Variants in CFAP54 observed in about 807,000 individuals in gnomAD.
CFAP54 encodes cilia- and flagella-associated protein 54.
A neutral mutation model predicts 370.4 loss-of-function variants in CFAP54; 290 were observed. The ratio of observed to expected loss-of-function variants is 0.78; its 90% CI spans 0.71 to 0.86. CFAP54 has a LOEUF of 0.86. CFAP54 is among the 40% of genes least tolerant of loss of function. The pLI, the probability that CFAP54 is intolerant of heterozygous loss-of-function variation, is 0.00. For synonymous variants in CFAP54, 1,206 were observed against 1,236.5 expected, an observed-to-expected ratio of 0.98 and a Z score of 0.52; for missense variants, 3,399 against 3,528.7, an observed-to-expected ratio of 0.96 and a Z score of 0.93.
At chr12:96,543,141 G>A (rs1955595898) in intron 14 of CFAP54, among the ~76,000 whole-genome samples, 1 of 152,182 alleles carries the variant, frequency 6.6e-6, no homozygotes, top group Non-Finnish European at 1.5e-5. Context: ...TGAATCAGGA[G>A]GCACACAATG....
At chr12:96,590,456 T>A (rs1010860992) in intron 23 of CFAP54, among the ~76,000 whole-genome samples, 3 of 152,190 alleles carry the variant, frequency 2.0e-5, no homozygotes, top group African/African-American at 7.2e-5. Flanking sequence ...CACCTGGTTG[T>A]TAATGCCTGA....
intron 39 of CFAP54, among the ~76,000 whole-genome samples, chr12:96,668,524 A>G (rs143093223): frequency 1.5e-3 from 228 of 152,322 alleles, no homozygotes; most frequent in Non-Finnish European, 2.5e-3. Context: ...AGACTTATTC[A>G]TTATCATGAG....
intron 42 of CFAP54, among the ~76,000 whole-genome samples, chr12:96,687,369 C>T (rs1230243525): frequency 6.6e-6 from 1 of 152,190 alleles, no homozygotes; most frequent in Non-Finnish European, 1.5e-5. Flanking sequence ...ATGTGAATGT[C>T]TTCAAGAATG....
intron 43 of CFAP54, 37 bp from the exon 44 acceptor site, chr12:96,691,091 C>A (rs1355773713): frequency 5.1e-6 from 8 of 1,579,272 alleles, no homozygotes; most frequent in Admixed American, 1.7e-5. Flanking sequence ...AAAATGCTAT[C>A]TATAGCTCTT....
intron 36 of CFAP54, among the ~76,000 whole-genome samples, chr12:96,652,968 T>C (rs982518024): frequency 2.6e-5 from 4 of 152,322 alleles, no homozygotes; most frequent in African/African-American, 9.6e-5. Context: ...ATGTACCTAA[T>C]AAGAAAAATT....
intron 57 of CFAP54, among the ~76,000 whole-genome samples, chr12:96,757,163 C>A (rs1187837407): frequency 6.6e-6 from 1 of 152,180 alleles, no homozygotes; most frequent in Non-Finnish European, 1.5e-5. Context: ...AAGGCAAATT[C>A]CTCCAGCCCT....
At chr12:96,835,725 G>T (rs1304763809) in intron 66 of CFAP54, among the ~76,000 whole-genome samples, 3 of 152,128 alleles carry the variant, frequency 2.0e-5, no homozygotes, top group Non-Finnish European at 2.9e-5. Context: ...GGTGGAGGTT[G>T]GAGTGGGGAT....
At chr12:96,496,988 C>T (rs1652763783) in intron 1 of CFAP54, among the ~76,000 whole-genome samples, 1 of 152,090 alleles carries the variant, frequency 6.6e-6, no homozygotes, top group South Asian at 2.1e-4. Context: ...GCCCTGAGCC[C>T]TTCATAAGAA....
chr12:96,765,682 T>C lies in CFAP54; in HGVS notation c.8281+464T>C, dbSNP rs1462080658. ...CAGCTACCTGAGAGCAGGGTCTTCA[T>C]ATATTCAATTTTCATCTACAGCAAA... On this transcript the variant is annotated intron_variant, in intron 60 of 67. Transcript: ENST00000524981. Among the ~76,000 whole-genome samples the C allele has an allele frequency of 3.9e-5, 6 of 152,252 alleles. No homozygotes were observed. In the East Asian group the frequency reaches 1.2e-3, roughly 29 times the overall value.
chr12:96,821,158 G>A (rs2136741213), intron 65 of CFAP54, among the ~76,000 whole-genome samples: 1 of 152,278 alleles, frequency 6.6e-6, no homozygotes, highest in African/African-American at 2.4e-5. Flanking sequence ...GAGATGGAGA[G>A]ATGGGCTCTT....
intron 67 of CFAP54, among the ~76,000 whole-genome samples, chr12:96,874,560 T>A (rs1356321371): frequency 1.3e-5 from 2 of 151,292 alleles, no homozygotes; most frequent in Non-Finnish European, 2.9e-5. Context: ...TCAGGTAAAC[T>A]GGAATCTTCT....
chr12:96,534,125 C>A lies in CFAP54; in HGVS notation c.1603C>A (p.Pro535Thr). The A allele has an allele frequency of 2.6e-6, 4 of 1,533,358 alleles. No individual in the cohort carries two copies. Among genetic ancestry groups the A allele is most frequent in the Non-Finnish European group, 3.5e-6 (4 of 1,145,076 alleles). 95.0% of individuals were successfully genotyped at this position (1,533,358 alleles called of 1,614,324 possible). The change falls in exon 11 of 68, where the codon CCA (proline) becomes ACA (threonine). Residue 535 changes from proline (P) to threonine (T), a missense_variant. Transcript: ENST00000524981. The stretch of plus-strand genomic sequence containing the variant: ...TTTAACTCTTCTGATTGCAATGGAA[C>A]CACTAATCAACGTGAAGAGAAACAA... ...KDLTLLIAMEPLINVKRNKGL... is the reference protein window; with the variant it reads ...KDLTLLIAMETLINVKRNKGL...
At chr12:96,854,754 C>A (rs1959652842) in intron 66 of CFAP54, among the ~76,000 whole-genome samples, 1 of 152,090 alleles carries the variant, frequency 6.6e-6, no homozygotes, top group Admixed American at 6.5e-5. Flanking sequence ...TGAATAAACT[C>A]ATTTAATCCT....
intron 63 of CFAP54, among the ~76,000 whole-genome samples, chr12:96,807,448 T>G (rs1592774990): frequency 6.6e-6 from 1 of 152,358 alleles, no homozygotes; most frequent in East Asian, 1.9e-4. Flanking sequence ...AGAGCTCGTC[T>G]TTCACTTATT....
intron 50 of CFAP54, among the ~76,000 whole-genome samples, chr12:96,724,134 A>G (rs900960391): frequency 4.0e-5 from 6 of 151,070 alleles, no homozygotes; most frequent in Admixed American, 1.3e-4. Flanking sequence ...CGCAATAAAC[A>G]TACATGTGCA....
Position 96,623,897 on chromosome 12 carries a change from C to T in CFAP54, c.3886+16C>T. The T allele has an allele frequency of 4.9e-6, 7 of 1,417,450 alleles. No individual in the cohort carries two copies. Among genetic ancestry groups the T allele is most frequent in the Non-Finnish European group, 6.7e-6 (7 of 1,045,226 alleles). 87.8% of individuals were successfully genotyped at this position (1,417,450 alleles called of 1,614,324 possible). ...ACAAAGCAATGTAATCATTTGTTTT[C>T]TGTATACTTCCATTTAGCATTAAGT... is the stretch of plus-strand genomic sequence containing the variant. On this transcript the variant is annotated intron_variant, in intron 28 of 67. Transcript: ENST00000524981.
intron 63 of CFAP54, among the ~76,000 whole-genome samples, chr12:96,801,449 A>G (rs1337294598): frequency 6.6e-6 from 1 of 152,240 alleles, no homozygotes; most frequent in Non-Finnish European, 1.5e-5. Flanking sequence ...GCCAGGGACT[A>G]TCATTTTAAT....
At chr12:96,825,049 CG>C (rs1565992177) in intron 65 of CFAP54, among the ~76,000 whole-genome samples, 1 of 150,748 alleles carries the variant, frequency 6.6e-6, no homozygotes, top group African/African-American at 2.4e-5. Context: ...CCACCCTACG[CG>C]CCCCACAATG....
At chr12:96,680,377 G>A (rs1053937103) in intron 40 of CFAP54, among the ~76,000 whole-genome samples, 9 of 152,018 alleles carry the variant, frequency 5.9e-5, no homozygotes, top group African/African-American at 2.2e-4. Flanking sequence ...TCAAATTTAG[G>A]CTGGAAAAAT....
Sources: allele counts gnomAD v4.1 joint callset (sites outside exome capture counted in the v4.1 genomes callset), GRCh38; gene constraint gnomAD v4.1.1; transcripts MANE v1.5; gene names NCBI Gene and HGNC (gene_info 2026-07-23, HGNC 2026-07-21).